Variants in NHSL1 observed in about 807,000 individuals in gnomAD.
The protein encoded by NHSL1 is NHS-like protein 1.
Under a neutral mutation model 95.0 loss-of-function variants are expected in NHSL1, and 48 were observed. The observed-to-expected ratio is 0.51, with a 90% CI of 0.40 to 0.64. The LOEUF (loss-of-function observed/expected upper bound fraction) is 0.64, where lower values mean the gene tolerates loss of function less well. Ranked by LOEUF, NHSL1 falls within the 30% of genes least tolerant of loss-of-function variation. The probability of loss-of-function intolerance (pLI) is 0.00; values close to 1 mark genes in which losing one functional copy is unlikely to be tolerated. For synonymous variants in NHSL1, 783 were observed against 833.9 expected (o/e 0.94, Z 1.05); for missense variants, 1,971 against 2,077.7 (o/e 0.95, Z 1.00).
At chr6:138,590,610 AAC>A (rs1476942248) in intron 1 of NHSL1, among the ~76,000 whole-genome samples, 4 of 152,060 alleles carry the variant, frequency 2.6e-5, no homozygotes, top group Non-Finnish European at 5.9e-5. Context: ...CATCCCCAAC[AAC>A]AGAGTCCAAC....
intron 7 of NHSL1, among the ~76,000 whole-genome samples, chr6:138,429,295 A>G (rs1408936598): frequency 6.6e-6 from 1 of 152,190 alleles, no homozygotes; most frequent in African/African-American, 2.4e-5. Context: ...AATTAGAATA[A>G]ACTAAAACAT....
At chr6:138,657,731 T>C (rs1255893343) in intron 1 of NHSL1, among the ~76,000 whole-genome samples, 2 of 143,046 alleles carry the variant, frequency 1.4e-5, no homozygotes, top group Admixed American at 7.5e-5. Flanking sequence ...AGGAGAATGG[T>C]GTGAACCCGG....
chr6:138,487,240 TA>T (rs1409094853), intron 2 of NHSL1, among the ~76,000 whole-genome samples: 1 of 152,196 alleles, frequency 6.6e-6, no homozygotes, highest in Non-Finnish European at 1.5e-5. Flanking sequence ...GAGCTTAGGT[TA>T]TATTCTGTTA....
intron 1 of NHSL1, among the ~76,000 whole-genome samples, chr6:138,666,590 CAAAAAA>C (rs10564684): frequency 4.5e-5 from 4 of 89,308 alleles, no homozygotes; most frequent in African/African-American, 1.3e-4. Context: ...GCCTCCATCT[CAAAAAA>C]AAAAAAAAAA....
intron 2 of NHSL1, among the ~76,000 whole-genome samples, chr6:138,481,222 AT>A: frequency 1.3e-5 from 2 of 152,290 alleles, no homozygotes; most frequent in East Asian, 3.9e-4. Context: ...CCTAAATATC[AT>A]GTATTGTGAA....
At chr6:138,670,370 T>TTAAA (rs1248424219) in intron 1 of NHSL1, among the ~76,000 whole-genome samples, 4,515 of 125,330 alleles carry the variant, frequency 0.036, 192 homozygotes, top group African/African-American at 0.11. Flanking sequence ...CCGTTGAAGG[T>TTAAA]AAAAAAAAAA....
chr6:138,498,306 C>T (rs1780478340), intron 1 of NHSL1, among the ~76,000 whole-genome samples: 4 of 152,204 alleles, frequency 2.6e-5, no homozygotes, highest in African/African-American at 4.8e-5. Flanking sequence ...ATCGCACCAT[C>T]GGCCCCACTG....
intron 1 of NHSL1, among the ~76,000 whole-genome samples, chr6:138,666,871 G>A (rs1785302491): frequency 6.6e-6 from 1 of 152,082 alleles, no homozygotes; most frequent in Non-Finnish European, 1.5e-5. Flanking sequence ...TCTCTTCCAT[G>A]GGAATTTAAT....
At chr6:138,466,772 T>G (rs867861189) in intron 3 of NHSL1, among the ~76,000 whole-genome samples, 12 of 137,460 alleles carry the variant, frequency 8.7e-5, no homozygotes, top group Non-Finnish European at 1.2e-4. Context: ...CTGAGAGTCA[T>G]ATAAAAATAT....
chr6:138,492,159 A>G (rs1780116617), intron 2 of NHSL1, among the ~76,000 whole-genome samples: 1 of 152,234 alleles, frequency 6.6e-6, no homozygotes, highest in African/African-American at 2.4e-5. Context: ...TACATGGACA[A>G]GAGCCTGCTC....
rs958650123 is a variant in NHSL1 at position 138,424,045 on chromosome 6, C to T, written c.*36G>A. On this transcript the variant is annotated 3_prime_UTR_variant, in exon 8 of 8. Coordinates refer to ENST00000343505, the MANE Select transcript of NHSL1 (RefSeq NM_001144060.2). This position sits in a 1 kb window ranked among gnomAD's most constrained non-coding sequence, Gnocchi z 5.9. ...TCCTAGAGTGCTGCATTGCTCGTCT[C>T]CCCCCGTGTCACCTGGGAGAGTTAC... The T allele has an allele frequency of 1.5e-6, 2 of 1,354,218 alleles. No individual in the cohort carries two copies. The highest frequency in any genetic ancestry group is 1.9e-6 in the Non-Finnish European group (2 of 1,056,094). 83.9% of individuals were successfully genotyped at this position (1,354,218 alleles called of 1,614,324 possible).
chr6:138,683,307 T>C (rs1254841424), intron 1 of NHSL1, among the ~76,000 whole-genome samples: 1 of 152,230 alleles, frequency 6.6e-6, no homozygotes, highest in Non-Finnish European at 1.5e-5. Context: ...GTAGCCGTGG[T>C]CAGCTTTCAT....
chr6:138,629,435 T>A (rs1784787508), intron 1 of NHSL1, among the ~76,000 whole-genome samples: 1 of 151,748 alleles, frequency 6.6e-6, no homozygotes, highest in African/African-American at 2.4e-5. Flanking sequence ...CAGGCTGGAG[T>A]GCAGTGTCGC....
intron 1 of NHSL1, among the ~76,000 whole-genome samples, chr6:138,625,649 A>G (rs1288710237): frequency 2.0e-5 from 3 of 151,704 alleles, no homozygotes; most frequent in Non-Finnish European, 4.4e-5. Flanking sequence ...ATTAAAAAAA[A>G]AAAAAAAAAA....
intron 1 of NHSL1, among the ~76,000 whole-genome samples, chr6:138,614,268 T>G (rs1308694384): frequency 6.6e-6 from 1 of 152,114 alleles, no homozygotes; most frequent in East Asian, 1.9e-4. Flanking sequence ...CCTGCTGGGA[T>G]GTAAGGATGA....
At chr6:138,642,100 T>A (rs1784967108) in intron 1 of NHSL1, among the ~76,000 whole-genome samples, 1 of 152,098 alleles carries the variant, frequency 6.6e-6, no homozygotes, top group Admixed American at 6.5e-5. Flanking sequence ...AATCAATTTT[T>A]AAAAATAAGA....
chr6:138,629,393 T>C lies in NHSL1; in HGVS notation c.96+63083A>G, dbSNP rs573196467. On this transcript the variant is annotated intron_variant, in intron 1 of 3. Transcript: ENST00000491526. ...TATTTCTTTCTTTCTTTCTTTCTTT[T>C]TTTTTTGAGACGGAGTCTCGCTCTT... is the stretch of plus-strand genomic sequence containing the variant. 5.4e-4 allele frequency among the ~76,000 whole-genome samples: 82 copies of C among 152,188 alleles called. 1 individual carries two copies. Among genetic ancestry groups the C allele is most frequent in the East Asian group, 5.8e-4 (3 of 5,192 alleles).
chr6:138,679,947 CAA>C (rs1229681633), intron 1 of NHSL1, among the ~76,000 whole-genome samples: 1 of 151,226 alleles, frequency 6.6e-6, no homozygotes, highest in Non-Finnish European at 1.5e-5. Flanking sequence ...ATATATTGGC[CAA>C]AAAAAGAGAG....
chr6:138,550,258 T>C (rs1782952709), upstream of NHSL1, among the ~76,000 whole-genome samples: 1 of 151,864 alleles, frequency 6.6e-6, no homozygotes, highest in Admixed American at 6.6e-5. Flanking sequence ...AATAATAAAA[T>C]AATTTTAAAA....
Sources: gnomAD v4.1 joint callset for allele counts (sites outside exome capture counted in the v4.1 genomes callset) on GRCh38, gnomAD v4.1.1 for gene constraint, Gnocchi (gnomAD v3.1) non-coding constraint, MANE v1.5 for transcripts, NCBI Gene and HGNC (gene_info 2026-07-23, HGNC 2026-07-21) for gene names.